Variants in GRM1 observed in about 807,000 individuals in gnomAD.
GRM1 encodes the protein glutamate metabotropic receptor 1.
A neutral mutation model predicts 90.9 loss-of-function variants in GRM1; 33 were observed. That is an observed-to-expected ratio of 0.36 (90% CI 0.28 to 0.49). The LOEUF is 0.49. Ranked by LOEUF, GRM1 falls within the 20% of genes least tolerant of loss-of-function variation. The pLI, the probability that GRM1 is intolerant of heterozygous loss-of-function variation, is 0.99. For missense variants in GRM1, 1,190 were observed against 1,534.3 expected (o/e 0.78, Z 3.75); for synonymous variants, 700 against 613.2 (o/e 1.14, Z -2.09).
intron 6 of GRM1, among the ~76,000 whole-genome samples, chr6:146,395,244 T>A (rs752743399): frequency 6.6e-6 from 1 of 152,108 alleles, no homozygotes; most frequent in Non-Finnish European, 1.5e-5. Context: ...TTGGTAATTT[T>A]AAATTATAAC....
intron 3 of GRM1, among the ~76,000 whole-genome samples, chr6:146,348,111 A>G (rs929748322): frequency 6.6e-6 from 1 of 152,230 alleles, no homozygotes; most frequent in Non-Finnish European, 1.5e-5. Flanking sequence ...ATAAAGTACC[A>G]CAGAAAATGA....
chr6:146,102,939 A>G (rs1018787780), intron 1 of GRM1, among the ~76,000 whole-genome samples: 2 of 152,216 alleles, frequency 1.3e-5, no homozygotes, highest in Non-Finnish European at 2.9e-5. Context: ...TGTGCGCTTC[A>G]TTAAAGTTAA....
intron 3 of GRM1, among the ~76,000 whole-genome samples, chr6:146,318,152 C>T (rs1202107771): frequency 2.6e-5 from 4 of 152,038 alleles, no homozygotes; most frequent in Non-Finnish European, 4.4e-5. Flanking sequence ...ACTCCCCTAG[C>T]CCCCTATCCC....
rs184410854 is a variant in GRM1 at position 146,173,443 on chromosome 6, A to G, written c.950+13846A>G. 2.8e-4 allele frequency among the ~76,000 whole-genome samples: 43 copies of G among 151,530 alleles called. No individual in the cohort carries two copies. The East Asian group carries it at 6.4e-3, about 22-fold the overall frequency. ...AAAAGAAAAAGAAAAAGAAAGAAAG[A>G]AAGAAAAGAAAAAAAGAAACTCTTG... On this transcript the variant is annotated intron_variant, in intron 2 of 7. Coordinates refer to ENST00000282753, the MANE Select transcript of GRM1 (RefSeq NM_001278064.2).
chr6:146,418,504 A>G (rs1169974773), intron 7 of GRM1, among the ~76,000 whole-genome samples: 1 of 151,874 alleles, frequency 6.6e-6, no homozygotes, highest in African/African-American at 2.4e-5. Flanking sequence ...TTTTATGTAT[A>G]TCCTCATTTT....
chr6:146,164,069 T>G (rs765393790), intron 2 of GRM1, among the ~76,000 whole-genome samples: 19 of 138,464 alleles, frequency 1.4e-4, no homozygotes, highest in Non-Finnish European at 2.1e-4. Context: ...GATGGATCTG[T>G]TCTAATTCTT....
intron 2 of GRM1, among the ~76,000 whole-genome samples, chr6:146,167,154 G>A (rs926848016): frequency 6.6e-6 from 1 of 152,070 alleles, no homozygotes; most frequent in Non-Finnish European, 1.5e-5. Context: ...GTAGTCTCTT[G>A]TGTCTGATTT....
At chr6:146,214,434 G>T (rs976755930) in intron 2 of GRM1, among the ~76,000 whole-genome samples, 1 of 152,196 alleles carries the variant, frequency 6.6e-6, no homozygotes, top group Admixed American at 6.5e-5. Context: ...TTCAGGTAAG[G>T]TTGTCAGAGA....
chr6:146,053,921 A>G (rs1229350901), intron 1 of GRM1, among the ~76,000 whole-genome samples: 1 of 152,080 alleles, frequency 6.6e-6, no homozygotes, highest in Non-Finnish European at 1.5e-5. Flanking sequence ...TAGGACTTTC[A>G]AAGAAACCCT....
chr6:146,307,631 C>G (rs1251097729), intron 3 of GRM1, among the ~76,000 whole-genome samples: 1 of 152,116 alleles, frequency 6.6e-6, no homozygotes, highest in Non-Finnish European at 1.5e-5. Flanking sequence ...AATATGCAGA[C>G]ACATCTATGA....
intron 1 of GRM1, among the ~76,000 whole-genome samples, chr6:146,087,066 A>G (rs560619856): frequency 1.7e-4 from 26 of 152,236 alleles, no homozygotes; most frequent in African/African-American, 5.5e-4. Flanking sequence ...AAAGAAATCA[A>G]CTTTCAAAAT....
chr6:146,356,846 G>A (rs1046408145), intron 4 of GRM1, among the ~76,000 whole-genome samples: 1 of 152,136 alleles, frequency 6.6e-6, no homozygotes, highest in Non-Finnish European at 1.5e-5. Context: ...TATACTGTAT[G>A]TATATAGTAA....
chr6:146,336,965 C>T lies in GRM1; in HGVS notation c.1187-15285C>T, dbSNP rs983167063. Among the ~76,000 whole-genome samples the T allele has an allele frequency of 4.6e-5, 7 of 152,210 alleles. No homozygotes were observed. In the South Asian group the frequency reaches 6.2e-4, roughly 14 times the overall value. On this transcript the variant is annotated intron_variant, in intron 3 of 7. Transcript: ENST00000282753. ...AGGTGTTTGTGTCTGCATGACTCTT[C>T]CTTTACTTCCTGTTTCCAAGGTCCC...
chr6:146,251,520 G>A (rs557156062), intron 2 of GRM1, among the ~76,000 whole-genome samples: 2 of 152,188 alleles, frequency 1.3e-5, no homozygotes. Context: ...GAAGTGAGGG[G>A]CAGCCTTGCT....
At chr6:146,393,384 A>AT (rs1205036731) in intron 6 of GRM1, among the ~76,000 whole-genome samples, 2 of 151,478 alleles carry the variant, frequency 1.3e-5, no homozygotes, top group Non-Finnish European at 3.0e-5. Flanking sequence ...CAGTTGTTTT[A>AT]TTTTTTCTTG....
intron 1 of GRM1, among the ~76,000 whole-genome samples, chr6:146,103,727 A>G (rs886562804): frequency 6.6e-6 from 1 of 152,236 alleles, no homozygotes; most frequent in East Asian, 1.9e-4. Context: ...AAGGTTACCA[A>G]GTAAACAGAT....
intron 1 of GRM1, among the ~76,000 whole-genome samples, chr6:146,060,906 G>A (rs1403948746): frequency 6.6e-6 from 1 of 152,092 alleles, no homozygotes; most frequent in Non-Finnish European, 1.5e-5. Flanking sequence ...AACCTTGCCA[G>A]CATCTGTTAT....
rs769038720 is a variant in GRM1, at chr6:146,029,595, A to G, written c.78A>G (p.Lys26=). 19 of 1,614,012 alleles carry G rather than the reference A, an allele frequency of 1.2e-5. No individual in the cohort carries two copies. The highest frequency in any genetic ancestry group is 1.4e-5 in the Non-Finnish European group (17 of 1,179,972). The change falls in exon 1 of 8, where the codon AAA becomes AAG. Residue 26 remains lysine, a synonymous_variant. Coordinates refer to ENST00000282753, the MANE Select transcript of GRM1 (RefSeq NM_001278064.2). ...TTCTCCCCAGAAGCCCCGGCAGGAA[A>G]GTGTTGCTGGCAGGAGCGTCGTCTC... is the stretch of plus-strand genomic sequence containing the variant. ...VSLLPRSPGR[K]VLLAGASSQR...
chr6:146,122,839 C>CTTTTTTTTTTTT (rs57859188), intron 1 of GRM1, among the ~76,000 whole-genome samples: 107 of 62,196 alleles, frequency 1.7e-3, no homozygotes, highest in Non-Finnish European at 1.9e-3. Context: ...TCTTTTCTTT[C>CTTTTTTTTTTTT]TTTTTTTTTT....
Sources: allele counts gnomAD v4.1 joint callset (sites outside exome capture counted in the v4.1 genomes callset), GRCh38; gene constraint gnomAD v4.1.1; transcripts MANE v1.5; gene names NCBI Gene and HGNC (gene_info 2026-07-23, HGNC 2026-07-21).